The following CSMD1 variants were observed in gnomAD, a reference collection of about 807,000 sequenced individuals.
The protein encoded by CSMD1 is CUB and sushi domain-containing protein 1.
Under a neutral mutation model 417.5 loss-of-function variants are expected in CSMD1, and 213 were observed. That is an observed-to-expected ratio of 0.51 (90% CI 0.46 to 0.57). The LOEUF is 0.57. CSMD1 is among the 20% of genes least tolerant of loss of function. The probability of loss-of-function intolerance (pLI) is 0.00; values close to 1 mark genes in which losing one functional copy is unlikely to be tolerated. For synonymous variants in CSMD1, 2,862 were observed against 1,736.8 expected (o/e 1.65, Z -16.11); for missense variants, 6,923 against 4,529.7 (o/e 1.53, Z -15.17).
intron 2 of CSMD1, among the ~76,000 whole-genome samples, chr8:4,571,049 T>C (rs866643549): frequency 1.2e-4 from 18 of 152,312 alleles, no homozygotes; most frequent in Middle Eastern, 3.4e-3. Context: ...TCTTTATTAG[T>C]CTGGCTAGCA....
intron 3 of CSMD1, among the ~76,000 whole-genome samples, chr8:4,373,138 C>A (rs1285834661): frequency 6.6e-6 from 1 of 152,150 alleles, no homozygotes; most frequent in Non-Finnish European, 1.5e-5. Flanking sequence ...ACATCAGACA[C>A]CTCCCTAGGG....
At chr8:3,716,575 A>T (rs1585124311) in intron 6 of CSMD1, among the ~76,000 whole-genome samples, 1 of 151,960 alleles carries the variant, frequency 6.6e-6, no homozygotes, top group East Asian at 1.9e-4. Context: ...GTTTCGGGAG[A>T]TTTGCGCCGG....
At chr8:3,215,523 C>T (rs1797830727) in intron 29 of CSMD1, among the ~76,000 whole-genome samples, 1 of 152,224 alleles carries the variant, frequency 6.6e-6, no homozygotes, top group Non-Finnish European at 1.5e-5. Context: ...GTCACTTCCA[C>T]AAAGACCCCC....
intron 2 of CSMD1, among the ~76,000 whole-genome samples, chr8:4,590,959 C>G (rs1799953229): frequency 6.6e-6 from 1 of 152,324 alleles, no homozygotes; most frequent in East Asian, 1.9e-4. Context: ...TTAAAACACA[C>G]CTGGTTGCTG....
At chr8:3,668,427 A>G (rs1798816423) in intron 7 of CSMD1, among the ~76,000 whole-genome samples, 1 of 152,164 alleles carries the variant, frequency 6.6e-6, no homozygotes, top group Non-Finnish European at 1.5e-5. Flanking sequence ...GCTACAGTGT[A>G]AGCTGAAGAG....
chr8:4,916,970 G>A (rs898296741), intron 1 of CSMD1, among the ~76,000 whole-genome samples: 3 of 152,150 alleles, frequency 2.0e-5, no homozygotes, highest in African/African-American at 4.8e-5. Context: ...AGGTGTACAG[G>A]GTTCAGTAGG....
chr8:4,184,329 T>A (rs945361214), intron 3 of CSMD1, among the ~76,000 whole-genome samples: 7 of 152,196 alleles, frequency 4.6e-5, no homozygotes, highest in Non-Finnish European at 7.3e-5. Flanking sequence ...ACATGAGTTT[T>A]AGACAAGTCA....
intron 1 of CSMD1, among the ~76,000 whole-genome samples, chr8:4,812,304 G>C (rs1798953089): frequency 6.6e-6 from 1 of 152,160 alleles, no homozygotes; most frequent in Non-Finnish European, 1.5e-5. Context: ...CTCCCAGTTT[G>C]GGATAGTGGC....
At chr8:3,952,698 G>C (rs1275673384) in intron 5 of CSMD1, among the ~76,000 whole-genome samples, 2 of 152,122 alleles carry the variant, frequency 1.3e-5, no homozygotes, top group Non-Finnish European at 2.9e-5. Flanking sequence ...ACAGCATTGT[G>C]AATACACTAG....
chr8:3,557,150 T>G (rs1287158054), intron 10 of CSMD1, among the ~76,000 whole-genome samples: 2 of 152,338 alleles, frequency 1.3e-5, no homozygotes, highest in East Asian at 3.9e-4. Context: ...AAATATATTT[T>G]GTGTGTTACA....
intron 8 of CSMD1, among the ~76,000 whole-genome samples, chr8:3,608,596 T>C (rs2449244): frequency 0.7 from 105,468 of 151,624 alleles, 37,279 homozygotes; most frequent in Non-Finnish European, 0.77. Context: ...ACCCCGTCTC[T>C]ATTAAAAATG....
At chr8:4,978,437 T>C (rs2117416396) in intron 1 of CSMD1, among the ~76,000 whole-genome samples, 1 of 152,270 alleles carries the variant, frequency 6.6e-6, no homozygotes, top group South Asian at 2.1e-4. Context: ...AGTCAAAGAA[T>C]TGGGCCCTAC....
chr8:3,852,504 T>C (rs1196938744), intron 5 of CSMD1, among the ~76,000 whole-genome samples: 1 of 152,138 alleles, frequency 6.6e-6, no homozygotes, highest in Non-Finnish European at 1.5e-5. Context: ...ATGCTGACAG[T>C]TGACGATAAA....
intron 54 of CSMD1, among the ~76,000 whole-genome samples, chr8:2,990,336 T>C (rs1325878574): frequency 6.6e-6 from 1 of 152,212 alleles, no homozygotes; most frequent in Non-Finnish European, 1.5e-5. Context: ...GTTTCAGCCA[T>C]ATTTAGCACA....
At chr8:4,980,072 A>G (rs1423232418) in intron 1 of CSMD1, among the ~76,000 whole-genome samples, 1 of 152,182 alleles carries the variant, frequency 6.6e-6, no homozygotes, top group African/African-American at 2.4e-5. Context: ...AATAGTTAAC[A>G]CAATGTTATC....
rs968026765 is a variant in CSMD1, at chr8:3,288,578, T to A, written c.3951-4232A>T. ...TCCATTTCTTCTAGATTTTCTAGTTTATTTGCATAGAGGTGTTTATAGTAT... is the reference window on the plus strand; with the variant it reads ...TCCATTTCTTCTAGATTTTCTAGTTAATTTGCATAGAGGTGTTTATAGTAT... On this transcript the variant is annotated intron_variant, in intron 25 of 69. Transcript: ENST00000635120. 6.1e-5 allele frequency among the ~76,000 whole-genome samples: 9 copies of A among 147,576 alleles called. 2 individuals are homozygous for A. The highest frequency in any genetic ancestry group is 2.4e-4 in the African/African-American group (9 of 37,312).
At chr8:4,849,099 T>A (rs1053094115) in intron 1 of CSMD1, among the ~76,000 whole-genome samples, 1 of 152,200 alleles carries the variant, frequency 6.6e-6, no homozygotes, top group Non-Finnish European at 1.5e-5. Flanking sequence ...GACAGTGATA[T>A]GTATGATTCT....
chr8:3,652,397 C>T (rs764603777), intron 7 of CSMD1, among the ~76,000 whole-genome samples: 5 of 152,202 alleles, frequency 3.3e-5, no homozygotes, highest in Admixed American at 6.5e-5. Flanking sequence ...ATCACAAATA[C>T]GTTGACTTGT....
chr8:4,201,483 A>G (rs1035386939), intron 3 of CSMD1, among the ~76,000 whole-genome samples: 1 of 123,794 alleles, frequency 8.1e-6, no homozygotes, highest in Non-Finnish European at 1.6e-5. Context: ...GCTTGCAGTG[A>G]GCCGACATAG....
Sources: gnomAD v4.1 joint callset for allele counts (sites outside exome capture counted in the v4.1 genomes callset) on GRCh38, gnomAD v4.1.1 for gene constraint, MANE v1.5 for transcripts, NCBI Gene and HGNC (gene_info 2026-07-23, HGNC 2026-07-21) for gene names.